The following RAB3IL1 variants were observed in gnomAD, a reference collection of about 807,000 sequenced individuals.
RAB3IL1 encodes the protein guanine nucleotide exchange factor for Rab-3A.
Under a neutral mutation model 49.2 loss-of-function variants are expected in RAB3IL1, and 37 were observed. The ratio of observed to expected loss-of-function variants is 0.75; its 90% CI spans 0.58 to 0.99. The LOEUF is 0.99. Ranked by LOEUF, RAB3IL1 falls within the 50% of genes least tolerant of loss-of-function variation. The pLI, the probability that RAB3IL1 is intolerant of heterozygous loss-of-function variation, is 0.00. For synonymous variants in RAB3IL1, 193 were observed against 213.9 expected (o/e 0.90, Z 0.85); for missense variants, 484 against 513.0 (o/e 0.94, Z 0.55).
rs777449344 is a variant in RAB3IL1 at position 61,907,548 on chromosome 11, G to A, written c.360+17C>T. On this transcript the variant is annotated intron_variant, in intron 3 of 9. Coordinates refer to ENST00000394836, the MANE Select transcript of RAB3IL1 (RefSeq NM_013401.4). The stretch of plus-strand genomic sequence containing the variant: ...ATGACCCATTCCCCAAGTTGTTCCC[G>A]CGCCCAGCCGGTGTACCTCAAACAG... 45 of 1,613,680 alleles carry A rather than the reference G, an allele frequency of 2.8e-5. No individual in the cohort carries two copies. The highest frequency in any genetic ancestry group is 3.3e-5 in the South Asian group (3 of 91,030).
chr11:61,918,686 T>C (rs1939813435), upstream of RAB3IL1, among the ~76,000 whole-genome samples: 1 of 152,160 alleles, frequency 6.6e-6, no homozygotes, highest in Non-Finnish European at 1.5e-5. Context: ...AGGGCACAAA[T>C]AGACAATGCT....
At chr11:61,944,107 A>AAAAAG in the RAB3IL1 span, among the ~76,000 whole-genome samples, 1 of 151,882 alleles carries the variant, frequency 6.6e-6, no homozygotes, top group South Asian at 2.1e-4. Flanking sequence ...TAAATTAAAA[A>AAAAAG]CTTTTGTGCA....
Position 61,917,441 on chromosome 11 carries a change from C to CGCCGACTCCGCCAGGG in RAB3IL1, c.-90_-75dup. 4.2e-6 allele frequency: 5 copies of CGCCGACTCCGCCAGGG among 1,183,040 alleles called. No homozygotes were observed. The highest frequency in any genetic ancestry group is 5.2e-6 in the Non-Finnish European group (5 of 958,582). The allele number at this position is 1,183,040 out of a possible 1,614,324, so 73.3% of individuals were successfully genotyped here. On this transcript the variant is annotated 5_prime_UTR_variant, in exon 1 of 10. Coordinates refer to ENST00000394836, the MANE Select transcript of RAB3IL1 (RefSeq NM_013401.4). ...CTCCCAGCGCCGCGTCCCCGCCCGC[C>CGCCGACTCCGCCAGGG]GCCGACTCCGCCAGGGGCCGAGCCG...
chr11:61,922,165 C>T (rs567525839), upstream of RAB3IL1, among the ~76,000 whole-genome samples: 3 of 150,978 alleles, frequency 2.0e-5, no homozygotes, highest in African/African-American at 4.9e-5. Context: ...GCCGAGATCA[C>T]GCCACTGCAT....
At chr11:61,940,573 G>A in the RAB3IL1 span, among the ~76,000 whole-genome samples, 1 of 152,156 alleles carries the variant, frequency 6.6e-6, no homozygotes, top group African/African-American at 2.4e-5. Flanking sequence ...GATTCCTTGA[G>A]CCCAAGAGTT....
At chr11:61,929,528 A>T in the RAB3IL1 span, among the ~76,000 whole-genome samples, 2 of 151,834 alleles carry the variant, frequency 1.3e-5, no homozygotes, top group South Asian at 4.2e-4. Context: ...AAAAAATTTA[A>T]AAAAAAATGT....
In RAB3IL1 at chr11:61,907,568, A is replaced by G; in HGVS notation, c.357T>C (p.Phe119=). 1 of 1,614,110 alleles carries G rather than the reference A, an allele frequency of 6.2e-7. No homozygotes were observed. Among genetic ancestry groups the G allele is most frequent in the Middle Eastern group, 1.6e-4 (1 of 6,062 alleles). ...QELEELTASL[F]EEAHKMVREA... Reference sequence around the variant, plus strand: ...TTCCCGCGCCCAGCCGGTGTACCTCAAACAGGCTGGCCGTCAGCTCTTCCA... The same window carrying G: ...TTCCCGCGCCCAGCCGGTGTACCTCGAACAGGCTGGCCGTCAGCTCTTCCA... The change falls in exon 3 of 10, where the codon TTT becomes TTC. Residue 119 remains phenylalanine (F), a synonymous_variant. Transcript: ENST00000394836.
chr11:61,928,811 C>G, the RAB3IL1 span, among the ~76,000 whole-genome samples: 1 of 152,196 alleles, frequency 6.6e-6, no homozygotes, highest in Non-Finnish European at 1.5e-5. Flanking sequence ...CAATATCAAG[C>G]AGTGAGCTCA....
the RAB3IL1 span, among the ~76,000 whole-genome samples, chr11:61,926,104 C>CAAAAAAAAAAAAAAAAAAA: frequency 9.4e-5 from 6 of 64,062 alleles, no homozygotes; most frequent in African/African-American, 1.2e-4. Context: ...TCCTTCCTGC[C>CAAAAAAAAAAAAAAAAAAA]AAAAAAAAAA....
At chr11:61,934,450 G>GTGTATA in the RAB3IL1 span, among the ~76,000 whole-genome samples, 2 of 31,622 alleles carry the variant, frequency 6.3e-5, no homozygotes, top group South Asian at 1.2e-3. Flanking sequence ...GTGTGTGTAT[G>GTGTATA]TATATATATA....
chr11:61,919,902 C>T, upstream of RAB3IL1: 2 of 505,674 alleles, frequency 4.0e-6, no homozygotes, highest in Non-Finnish European at 6.2e-6. Flanking sequence ...GCTTCAGTCT[C>T]CACCTCTGTA....
At chr11:61,926,593 G>A in the RAB3IL1 span, among the ~76,000 whole-genome samples, 1,867 of 152,124 alleles carry the variant, frequency 0.012, 39 homozygotes, top group African/African-American at 0.042. Flanking sequence ...TCACTCTGTC[G>A]CCCAGGCTGG....
chr11:61,940,677 C>T, the RAB3IL1 span, among the ~76,000 whole-genome samples: 1 of 151,842 alleles, frequency 6.6e-6, no homozygotes, highest in African/African-American at 2.4e-5. Context: ...AATCCCAGCA[C>T]TTCGGGAAGA....
chr11:61,923,429 G>A (rs7927548), upstream of RAB3IL1, among the ~76,000 whole-genome samples: 14,250 of 152,184 alleles, frequency 0.094, 668 homozygotes, highest in Non-Finnish European at 0.099. Flanking sequence ...GCTCAGTCAC[G>A]AGGGGAGGCT....
rs1407709574 is a variant in RAB3IL1, at chr11:61,906,354, C to T, written c.657+112G>A. 10 of 992,794 alleles carry T rather than the reference C, an allele frequency of 1.0e-5. No individual in the cohort carries two copies. In the East Asian group the frequency reaches 2.3e-4, roughly 23 times the overall value. 61.5% of individuals were successfully genotyped at this position (992,794 alleles called of 1,614,324 possible). A position where few individuals can be genotyped will look rare whatever the true frequency, so the allele number is the denominator to read the frequency against. On this transcript the variant is annotated intron_variant, in intron 5 of 9. Coordinates refer to ENST00000394836, the MANE Select transcript of RAB3IL1 (RefSeq NM_013401.4). The surrounding 1 kb of genome is among the most constrained non-coding windows in gnomAD (Gnocchi z 4.6). ...CCTCACATCCCAGAGAGGCGCAGGA[C>T]AGGCTCCAGGTCACACAGCATGGGG... is the stretch of plus-strand genomic sequence containing the variant.
the RAB3IL1 span, among the ~76,000 whole-genome samples, chr11:61,937,538 C>T: frequency 6.6e-6 from 1 of 151,960 alleles, no homozygotes; most frequent in East Asian, 1.9e-4. Flanking sequence ...AAACTTCTGA[C>T]CTCAAGCAAT....
rs1395389895 is a variant in RAB3IL1, at chr11:61,907,660, C to T, written c.265G>A (p.Glu89Lys). The change falls in exon 3 of 10, where the codon GAG (glutamate) becomes AAG (lysine). Residue 89 changes from glutamate (E) to lysine (K), a missense_variant and splice_region_variant. Transcript: ENST00000394836. ...CATTCCTCGTCCTTTAGCTTCAGCT[C>T]CTGGAGGAAAAGAGGCAGGCACTTG... Reference protein sequence around the residue: ...LKEELHRAQKELKLKDEECER... With the variant: ...LKEELHRAQKKLKLKDEECER... The T allele has an allele frequency of 6.2e-7, 1 of 1,613,846 alleles. No individual in the cohort carries two copies. Among genetic ancestry groups the T allele is most frequent in the African/African-American group, 1.3e-5 (1 of 74,894 alleles).
upstream of RAB3IL1, chr11:61,920,110 C>A: frequency 7.4e-7 from 1 of 1,345,250 alleles, no homozygotes; most frequent in Non-Finnish European, 9.7e-7. Context: ...TGGGGCGTAG[C>A]GGACAGTCCC....
upstream of RAB3IL1, chr11:61,917,654 G>T: frequency 1.2e-6 from 1 of 834,832 alleles, no homozygotes; most frequent in Non-Finnish European, 1.5e-6. Context: ...CGCTCCCAAG[G>T]CCTGGCCCCA....
Sources: allele counts gnomAD v4.1 joint callset (sites outside exome capture counted in the v4.1 genomes callset), GRCh38; gene constraint gnomAD v4.1.1; non-coding constraint Gnocchi (gnomAD v3.1); transcripts MANE v1.5; gene names NCBI Gene and HGNC (gene_info 2026-07-23, HGNC 2026-07-21).